The following SYT9 variants were observed in gnomAD, a reference collection of about 807,000 sequenced individuals.
SYT9 encodes synaptotagmin 9, also known as synaptotagmin-9.
Under a neutral mutation model 48.4 loss-of-function variants are expected in SYT9, and 22 were observed. The observed-to-expected ratio is 0.45, with a 90% CI of 0.32 to 0.65. SYT9 has a LOEUF of 0.65. Ranked by LOEUF, SYT9 falls within the 30% of genes least tolerant of loss-of-function variation. The pLI is 0.03. For missense variants in SYT9, 577 were observed against 622.0 expected (o/e 0.93, Z 0.77); for synonymous variants, 265 against 245.0 (o/e 1.08, Z -0.76).
At chr11:7,443,128 C>T (rs566547350) in intron 6 of SYT9, among the ~76,000 whole-genome samples, 2 of 152,284 alleles carry the variant, frequency 1.3e-5, no homozygotes, top group East Asian at 1.9e-4. Flanking sequence ...TCTGCAGACC[C>T]GACTGCCTAA....
intron 6 of SYT9, among the ~76,000 whole-genome samples, chr11:7,448,183 T>A (rs935797530): frequency 3.3e-5 from 5 of 152,222 alleles, no homozygotes; most frequent in Non-Finnish European, 5.9e-5. Context: ...ATCCTAAATA[T>A]TGTTGAGACA....
At chr11:7,335,780 C>G (rs1849621103) in intron 3 of SYT9, among the ~76,000 whole-genome samples, 1 of 152,100 alleles carries the variant, frequency 6.6e-6, no homozygotes, top group Non-Finnish European at 1.5e-5. Flanking sequence ...CCATGTCTTG[C>G]TATTGTGAAT....
intron 6 of SYT9, chr11:7,454,169 T>C (rs1848108116): frequency 1.0e-6 from 1 of 985,274 alleles, no homozygotes; most frequent in South Asian, 4.7e-5. Context: ...AGTCCAAGCC[T>C]CCAGCTCCCA....
chr11:7,306,734 G>T (rs1849038907), intron 2 of SYT9, among the ~76,000 whole-genome samples: 1 of 152,128 alleles, frequency 6.6e-6, no homozygotes, highest in African/African-American at 2.4e-5. Context: ...TCTGAAGTCT[G>T]TGTTCTGTCC....
Position 7,252,112 on chromosome 11 carries a change from C to CA in SYT9, c.-75_-74insA. The CA allele has an allele frequency of 7.6e-7, 1 of 1,317,524 alleles. No homozygotes were observed. The highest frequency in any genetic ancestry group is 9.7e-7 in the Non-Finnish European group (1 of 1,034,330). The allele number at this position is 1,317,524 out of a possible 1,614,324, so 81.6% of individuals were successfully genotyped here. Reference sequence around the variant, plus strand: ...GTGAGCGCGGACGGCCCGGAGGCGGCGGCTCTGAGCTGGCAGGCGGAGGGC... The same window carrying CA: ...GTGAGCGCGGACGGCCCGGAGGCGGCAGGCTCTGAGCTGGCAGGCGGAGGGC... On this transcript the variant is annotated 5_prime_UTR_variant, in exon 1 of 7. Transcript: ENST00000318881. This position sits in a 1 kb window ranked among gnomAD's most constrained non-coding sequence, Gnocchi z 6.3.
upstream of SYT9, among the ~76,000 whole-genome samples, chr11:7,251,099 GACACACACAC>G (rs369736479): frequency 5.3e-5 from 7 of 132,000 alleles, no homozygotes; most frequent in East Asian, 4.2e-4. Context: ...GTGGCACAGT[GACACACACAC>G]ACACACACAC....
chr11:7,417,839 C>A, intron 4 of SYT9, 118 bp from the exon 5 acceptor site: 1 of 1,003,946 alleles, frequency 1.0e-6, no homozygotes, highest in Non-Finnish European at 1.4e-6. Flanking sequence ...CAACTCCAGT[C>A]CACAGGCAGG....
At chr11:7,401,510 G>C (rs1000938089) in intron 3 of SYT9, among the ~76,000 whole-genome samples, 9 of 151,468 alleles carry the variant, frequency 5.9e-5, no homozygotes, top group African/African-American at 2.2e-4. Context: ...TTTCCTTAAC[G>C]ATCTGGAGTA....
chr11:7,400,918 T>A (rs12291446), intron 3 of SYT9, among the ~76,000 whole-genome samples: 4,109 of 152,260 alleles, frequency 0.027, 176 homozygotes, highest in African/African-American at 0.091. Context: ...CTATCTGTTG[T>A]TTAACAGCTG....
intron 1 of SYT9, among the ~76,000 whole-genome samples, chr11:7,294,378 A>AAT (rs1232831789): frequency 6.6e-6 from 1 of 152,200 alleles, no homozygotes; most frequent in Non-Finnish European, 1.5e-5. Context: ...ATTAACTCTA[A>AAT]AGTCTAAAAT....
chr11:7,243,647 TA>T (rs1290065520), intron 1 of SYT9, among the ~76,000 whole-genome samples: 1 of 152,218 alleles, frequency 6.6e-6, no homozygotes, highest in African/African-American at 2.4e-5. Flanking sequence ...CCTTTTTTCC[TA>T]AGCAGGCAGC....
At chr11:7,463,844 G>A (rs1260222830) in intron 6 of SYT9, among the ~76,000 whole-genome samples, 1 of 152,172 alleles carries the variant, frequency 6.6e-6, no homozygotes, top group Non-Finnish European at 1.5e-5. Context: ...CCTTGATTCT[G>A]GCTAATTACA....
At chr11:7,295,323 G>T (rs1848779067) in intron 1 of SYT9, among the ~76,000 whole-genome samples, 1 of 152,204 alleles carries the variant, frequency 6.6e-6, no homozygotes, top group South Asian at 2.1e-4. Flanking sequence ...TTGCTCCCAA[G>T]TTCTACCTTA....
intron 3 of SYT9, among the ~76,000 whole-genome samples, chr11:7,351,403 T>C (rs1472785425): frequency 1.3e-5 from 2 of 152,166 alleles, no homozygotes; most frequent in African/African-American, 4.8e-5. Flanking sequence ...AGCCACCTAA[T>C]GTAGGATGCA....
chr11:7,422,165 G>T (rs1847368309), intron 6 of SYT9, among the ~76,000 whole-genome samples: 5 of 152,326 alleles, frequency 3.3e-5, no homozygotes, highest in African/African-American at 1.2e-4. Context: ...TCTGGTTGAA[G>T]TGAACACAGG....
intron 3 of SYT9, among the ~76,000 whole-genome samples, chr11:7,315,914 G>A (rs1041105929): frequency 6.6e-6 from 1 of 152,184 alleles, no homozygotes; most frequent in African/African-American, 2.4e-5. Context: ...TTTCTCAGTT[G>A]TTTCCTCAGG....
intron 1 of SYT9, among the ~76,000 whole-genome samples, chr11:7,276,913 G>A (rs1338138738): frequency 1.3e-5 from 2 of 152,062 alleles, no homozygotes; most frequent in Non-Finnish European, 2.9e-5. Flanking sequence ...AAATAGCTGG[G>A]TGTGGTGGCA....
At chr11:7,337,618 T>G (rs936003989) in intron 3 of SYT9, among the ~76,000 whole-genome samples, 1 of 152,232 alleles carries the variant, frequency 6.6e-6, no homozygotes, top group Non-Finnish European at 1.5e-5. Context: ...TCTATTGAGA[T>G]AATCATGTGG....
At chr11:7,244,575 T>G (rs943828596) in intron 1 of SYT9, among the ~76,000 whole-genome samples, 6 of 152,186 alleles carry the variant, frequency 3.9e-5, no homozygotes, top group African/African-American at 1.2e-4. Context: ...AATGAATACC[T>G]TTTTTGGATA....
Sources: gnomAD v4.1 joint callset for allele counts (sites outside exome capture counted in the v4.1 genomes callset) on GRCh38, gnomAD v4.1.1 for gene constraint, Gnocchi (gnomAD v3.1) non-coding constraint, MANE v1.5 for transcripts, NCBI Gene and HGNC (gene_info 2026-07-23, HGNC 2026-07-21) for gene names.